Variants in DENND1A observed in about 807,000 individuals in gnomAD.
The protein encoded by DENND1A is DENN domain containing 1A.
In DENND1A, 51 loss-of-function variants were observed where a neutral mutation model predicts 113.7. That is an observed-to-expected ratio of 0.45 (90% confidence interval 0.36 to 0.57). DENND1A has a LOEUF of 0.57. DENND1A is among the 20% of genes least tolerant of loss of function. The probability of loss-of-function intolerance (pLI) is 0.00; values close to 1 mark genes in which losing one functional copy is unlikely to be tolerated. For missense variants in DENND1A, 1,258 were observed against 1,395.9 expected, an observed-to-expected ratio of 0.90 and a Z score of 1.57; for synonymous variants, 565 against 570.8, an observed-to-expected ratio of 0.99 and a Z score of 0.14.
chr9:123,516,147 C>T (rs1279067000), intron 13 of DENND1A, among the ~76,000 whole-genome samples: 2 of 84,678 alleles, frequency 2.4e-5, no homozygotes, highest in Non-Finnish European at 4.7e-5. Flanking sequence ...CACACACACA[C>T]ACACACACAA....
intron 19 of DENND1A, among the ~76,000 whole-genome samples, chr9:123,428,673 C>A (rs1408875593): frequency 6.6e-6 from 1 of 152,236 alleles, no homozygotes; most frequent in Admixed American, 6.5e-5. Flanking sequence ...AGCCCAAAAG[C>A]TTCTTAAGCT....
intron 6 of DENND1A, among the ~76,000 whole-genome samples, chr9:123,675,869 T>C (rs1648830316): frequency 6.6e-6 from 1 of 152,246 alleles, no homozygotes; most frequent in Admixed American, 6.5e-5. Flanking sequence ...GTGGCCCATC[T>C]GGGATTCTCC....
intron 1 of DENND1A, among the ~76,000 whole-genome samples, chr9:123,901,456 A>G (rs927783065): frequency 3.3e-5 from 5 of 152,140 alleles, no homozygotes; most frequent in Non-Finnish European, 7.3e-5. Context: ...TTCCCAAACT[A>G]TAACTTTAGT....
intron 13 of DENND1A, among the ~76,000 whole-genome samples, chr9:123,491,637 C>T (rs1416916363): frequency 6.6e-6 from 1 of 152,258 alleles, no homozygotes; most frequent in Non-Finnish European, 1.5e-5. Context: ...TGTGACTGCT[C>T]TTCCTGCATC....
chr9:123,450,427 G>A (rs2047635007), intron 18 of DENND1A, among the ~76,000 whole-genome samples: 1 of 152,258 alleles, frequency 6.6e-6, no homozygotes, highest in South Asian at 2.1e-4. Flanking sequence ...CAGGCCTGGT[G>A]GGGTGGGCAA....
At chr9:123,675,844 T>C (rs1589622976) in intron 6 of DENND1A, among the ~76,000 whole-genome samples, 1 of 152,220 alleles carries the variant, frequency 6.6e-6, no homozygotes, top group Non-Finnish European at 1.5e-5. Context: ...AATGTTTATG[T>C]CCACTGATCT....
chr9:123,563,858 C>T (rs868689983), intron 12 of DENND1A, among the ~76,000 whole-genome samples: 13 of 152,232 alleles, frequency 8.5e-5, no homozygotes, highest in Middle Eastern at 3.4e-3. Context: ...AAAACCCATT[C>T]GCAAACCTGG....
chr9:123,819,661 G>C (rs550673093), intron 2 of DENND1A, among the ~76,000 whole-genome samples: 1 of 151,910 alleles, frequency 6.6e-6, no homozygotes, highest in Non-Finnish European at 1.5e-5. Context: ...CCTCGGCCTC[G>C]CAAGTAGCTA....
chr9:123,675,202 TA>T (rs1397675111), intron 6 of DENND1A, among the ~76,000 whole-genome samples: 2 of 152,240 alleles, frequency 1.3e-5, no homozygotes, highest in African/African-American at 2.4e-5. Flanking sequence ...AATCTATCTC[TA>T]AAAAAATGAT....
At chr9:123,543,848 GC>G (rs1457690622) in intron 13 of DENND1A, among the ~76,000 whole-genome samples, 4 of 152,100 alleles carry the variant, frequency 2.6e-5, no homozygotes, top group African/African-American at 9.7e-5. Flanking sequence ...GCAACTCTCT[GC>G]TTCCTTTCCT....
intron 5 of DENND1A, among the ~76,000 whole-genome samples, chr9:123,700,389 T>C (rs571492172): frequency 2.6e-5 from 4 of 152,328 alleles, no homozygotes; most frequent in African/African-American, 9.6e-5. Context: ...GACTATTGTA[T>C]GCATGCGTGT....
chr9:123,858,660 C>T (rs957259585), intron 2 of DENND1A, among the ~76,000 whole-genome samples: 4 of 152,034 alleles, frequency 2.6e-5, no homozygotes, highest in Non-Finnish European at 5.9e-5. Context: ...GAAACAGCTA[C>T]GGACAGAGAG....
At chr9:123,476,880 T>C (rs576771486) in intron 13 of DENND1A, among the ~76,000 whole-genome samples, 1 of 152,330 alleles carries the variant, frequency 6.6e-6, no homozygotes, top group East Asian at 1.9e-4. Flanking sequence ...GTGGTCATGC[T>C]TGGTTCCGTG....
At chr9:123,636,216 G>GC (rs1289859099) in intron 9 of DENND1A, among the ~76,000 whole-genome samples, 1 of 151,996 alleles carries the variant, frequency 6.6e-6, no homozygotes, top group Admixed American at 6.5e-5. Context: ...TCCTTACTTG[G>GC]CCCCTGATAC....
chr9:123,850,856 G>C (rs958451471), intron 2 of DENND1A, among the ~76,000 whole-genome samples: 35 of 152,184 alleles, frequency 2.3e-4, no homozygotes, highest in Admixed American at 2.3e-3. Flanking sequence ...CACAGAAATA[G>C]TATTTAAGTC....
At chr9:123,818,726 T>C (rs1837988423) in intron 2 of DENND1A, among the ~76,000 whole-genome samples, 1 of 152,172 alleles carries the variant, frequency 6.6e-6, no homozygotes, top group South Asian at 2.1e-4. Flanking sequence ...TAAGTACTCA[T>C]GTGTGGAATC....
chr9:123,732,985 T>C (rs1427347470), intron 5 of DENND1A, among the ~76,000 whole-genome samples: 1 of 152,228 alleles, frequency 6.6e-6, no homozygotes, highest in Non-Finnish European at 1.5e-5. Context: ...ACTAAGTTTA[T>C]TGTTGTTGTT....
At chr9:123,636,479 A>G (rs967365675) in intron 9 of DENND1A, among the ~76,000 whole-genome samples, 1 of 150,976 alleles carries the variant, frequency 6.6e-6, no homozygotes, top group Non-Finnish European at 1.5e-5. Flanking sequence ...ACCACGCCCA[A>G]TTAATGTTTG....
chr9:123,381,389 G>A lies in DENND1A; in HGVS notation c.*43C>T, dbSNP rs748551876. On this transcript the variant is annotated 3_prime_UTR_variant, in exon 24 of 24. Coordinates refer to ENST00000394215, the MANE Select transcript of DENND1A (RefSeq NM_001352964.2). This position sits in a 1 kb window ranked among gnomAD's most constrained non-coding sequence, Gnocchi z 4.7. The stretch of plus-strand genomic sequence containing the variant: ...GAGCCTCGGAACCGCAGCAGTGGAC[G>A]GACCCTCGGGCCTCGGTGCATCCCC... 162 of 1,578,366 alleles carry A rather than the reference G, an allele frequency of 1.0e-4. No individual in the cohort carries two copies. The highest frequency in any genetic ancestry group is 1.3e-4 in the Non-Finnish European group (156 of 1,157,790).
Sources: allele counts gnomAD v4.1 joint callset (sites outside exome capture counted in the v4.1 genomes callset), GRCh38; gene constraint gnomAD v4.1.1; non-coding constraint Gnocchi (gnomAD v3.1); transcripts MANE v1.5; gene names NCBI Gene and HGNC (gene_info 2026-07-23, HGNC 2026-07-21).